The following PTPRT variants were observed in gnomAD, a reference collection of about 807,000 sequenced individuals.
The protein encoded by PTPRT is protein tyrosine phosphatase receptor type T, also known as receptor-type tyrosine-protein phosphatase T.
In PTPRT, 56 loss-of-function variants were observed where a neutral mutation model predicts 176.8. That is an observed-to-expected ratio of 0.32 (90% CI 0.26 to 0.40). The LOEUF (loss-of-function observed/expected upper bound fraction) is 0.40. Among genes scored for constraint, PTPRT ranks in the 10% least tolerant of loss-of-function variants. The pLI is 1.00. For synonymous variants in PTPRT, 783 were observed against 739.0 expected, an observed-to-expected ratio of 1.06 and a Z score of -0.96; for missense variants, 1,540 against 1,908.2, an observed-to-expected ratio of 0.81 and a Z score of 3.60.
At chr20:43,114,386 T>C (rs2012975966) in intron 1 of PTPRT, among the ~76,000 whole-genome samples, 1 of 152,194 alleles carries the variant, frequency 6.6e-6, no homozygotes, top group Non-Finnish European at 1.5e-5. Context: ...AATAACCTTT[T>C]TGTACCCCAG....
intron 6 of PTPRT, among the ~76,000 whole-genome samples, chr20:42,749,398 C>G (rs796168389): frequency 9.9e-5 from 15 of 152,274 alleles, no homozygotes; most frequent in African/African-American, 3.6e-4. Flanking sequence ...CCAGACTCTT[C>G]CAGACTGCGC....
At chr20:42,979,640 C>T (rs1381652245) in intron 1 of PTPRT, among the ~76,000 whole-genome samples, 1 of 152,042 alleles carries the variant, frequency 6.6e-6, no homozygotes, top group Non-Finnish European at 1.5e-5. Flanking sequence ...TATGGATGAT[C>T]CTGCCCCCTT....
intron 1 of PTPRT, among the ~76,000 whole-genome samples, chr20:43,011,052 G>A (rs1276123075): frequency 6.6e-6 from 1 of 152,178 alleles, no homozygotes; most frequent in East Asian, 1.9e-4. Context: ...CCATCCTCCT[G>A]CTTATTCGTT....
At chr20:42,408,318 G>A (rs2058980342) in intron 9 of PTPRT, among the ~76,000 whole-genome samples, 1 of 152,192 alleles carries the variant, frequency 6.6e-6, no homozygotes, top group Non-Finnish European at 1.5e-5. Flanking sequence ...AATACCAGAA[G>A]AGATTCAATT....
At chr20:42,862,477 G>A (rs1226068810) in intron 2 of PTPRT, among the ~76,000 whole-genome samples, 1 of 152,198 alleles carries the variant, frequency 6.6e-6, no homozygotes, top group African/African-American at 2.4e-5. Flanking sequence ...AGCAAGAGAG[G>A]AAGTTGGGGT....
At chr20:43,160,264 C>T (rs557006024) in intron 1 of PTPRT, among the ~76,000 whole-genome samples, 2 of 152,194 alleles carry the variant, frequency 1.3e-5, no homozygotes, top group South Asian at 2.1e-4. Flanking sequence ...ATCCAACAGC[C>T]GGAATAAATC....
chr20:42,969,334 GT>G (rs1982484764), intron 1 of PTPRT: 1 of 152,148 alleles, frequency 6.6e-6, no homozygotes, highest in Admixed American at 6.5e-5. Flanking sequence ...GGGGACCTGG[GT>G]TCTAAGAGCA....
the PTPRT span, among the ~76,000 whole-genome samples, chr20:42,041,197 C>G: frequency 3.9e-5 from 6 of 152,140 alleles, no homozygotes; most frequent in Admixed American, 6.5e-5. Flanking sequence ...CACTACTGCC[C>G]TCGATGCTCC....
At chr20:42,699,816 A>C (rs891321574) in intron 6 of PTPRT, among the ~76,000 whole-genome samples, 2 of 152,222 alleles carry the variant, frequency 1.3e-5, no homozygotes, top group African/African-American at 4.8e-5. Context: ...CTGAATCGAC[A>C]AAATTTTTCT....
At position 42,906,166 on chromosome 20, in the gene PTPRT, C is replaced by A. The variant is rs488232; in HGVS notation, c.89-20234G>T. Among the ~76,000 whole-genome samples the A allele has an allele frequency of 2.5e-3, 384 of 152,192 alleles. 1 individual carries two copies. Among genetic ancestry groups the A allele is most frequent in the African/African-American group, 8.8e-3 (364 of 41,502 alleles). On this transcript the variant is annotated intron_variant, in intron 1 of 30. Coordinates refer to ENST00000373187, the MANE Select transcript of PTPRT (RefSeq NM_007050.6). ...ACACATCAGCAGAAGAACCCACAAG[C>A]GTCTGGACATCAAGAGGAACACATC...
chr20:43,015,948 GA>G (rs367560612), intron 1 of PTPRT, among the ~76,000 whole-genome samples: 161 of 128,072 alleles, frequency 1.3e-3, no homozygotes, highest in East Asian at 3.2e-3. Flanking sequence ...ATTTCAAAAA[GA>G]AAAAAAAAAA....
intron 7 of PTPRT, among the ~76,000 whole-genome samples, 158 bp downstream of exon 7, chr20:42,677,708 A>C (rs2075530669): frequency 6.6e-6 from 1 of 152,152 alleles, no homozygotes; most frequent in South Asian, 2.1e-4. Context: ...AACAAACAAA[A>C]AAAACCCCAA....
intron 22 of PTPRT, among the ~76,000 whole-genome samples, chr20:42,113,549 G>A (rs1005787692): frequency 6.6e-6 from 1 of 152,232 alleles, no homozygotes; most frequent in Non-Finnish European, 1.5e-5. Context: ...ACTGACTGAC[G>A]TGGGAGCACA....
intron 14 of PTPRT, among the ~76,000 whole-genome samples, chr20:42,244,009 T>C (rs143592164): frequency 6.6e-6 from 1 of 152,298 alleles, no homozygotes; most frequent in Non-Finnish European, 1.5e-5. Context: ...CATGTGGAGA[T>C]GAATGTTTCT....
At chr20:42,552,373 T>A (rs2072784952) in intron 7 of PTPRT, among the ~76,000 whole-genome samples, 1 of 152,066 alleles carries the variant, frequency 6.6e-6, no homozygotes, top group East Asian at 1.9e-4. Context: ...TAAAGATCGA[T>A]CAATGCAGCA....
chr20:42,138,517 C>T (rs543423501), intron 18 of PTPRT, among the ~76,000 whole-genome samples: 16 of 152,310 alleles, frequency 1.1e-4, no homozygotes, highest in African/African-American at 3.6e-4. Flanking sequence ...AAGAACTGAT[C>T]CCAGAAGGGG....
At chr20:42,548,979 G>C (rs1181587668) in intron 7 of PTPRT, among the ~76,000 whole-genome samples, 1 of 152,002 alleles carries the variant, frequency 6.6e-6, no homozygotes, top group African/African-American at 2.4e-5. Context: ...GGCAGAGCTG[G>C]GGAGCTCTAG....
chr20:42,450,188 C>T (rs1469612460), intron 8 of PTPRT, among the ~76,000 whole-genome samples: 1 of 152,212 alleles, frequency 6.6e-6, no homozygotes, highest in South Asian at 2.1e-4. Context: ...CTGGAATGAG[C>T]ATGCTTATAG....
chr20:42,529,510 G>A (rs539185413), intron 7 of PTPRT, among the ~76,000 whole-genome samples: 2 of 151,958 alleles, frequency 1.3e-5, no homozygotes, highest in Non-Finnish European at 2.9e-5. Flanking sequence ...TTTTGGAGAT[G>A]GAGTCTCACT....
Sources: gnomAD v4.1 joint callset for allele counts (sites outside exome capture counted in the v4.1 genomes callset) on GRCh38, gnomAD v4.1.1 for gene constraint, MANE v1.5 for transcripts, NCBI Gene and HGNC (gene_info 2026-07-23, HGNC 2026-07-21) for gene names.